NRSN1: variants seen among roughly 807,000 people sequenced by gnomAD.
The protein encoded by NRSN1 is neurensin 1, also known as neurensin-1.
Under a neutral mutation model 17.3 loss-of-function variants are expected in NRSN1, and 14 were observed. That is an observed-to-expected ratio of 0.81 (90% confidence interval 0.54 to 1.27). The LOEUF (loss-of-function observed/expected upper bound fraction) is 1.27. Among genes scored for constraint, NRSN1 ranks in the 50% most tolerant of loss-of-function variants. NRSN1 has a pLI of 0.00. For missense variants in NRSN1, 209 were observed against 235.9 expected (o/e 0.89, Z 0.75); for synonymous variants, 79 against 94.2 (o/e 0.84, Z 0.93).
At chr6:24,138,616 G>C (rs1403081408) in intron 3 of NRSN1, among the ~76,000 whole-genome samples, 1 of 152,138 alleles carries the variant, frequency 6.6e-6, no homozygotes, top group East Asian at 1.9e-4. Context: ...CAGGTGCAAG[G>C]TGTGACCGCC....
chr6:24,133,412 T>C (rs1030987962), intron 2 of NRSN1, among the ~76,000 whole-genome samples: 1 of 152,230 alleles, frequency 6.6e-6, no homozygotes, highest in Non-Finnish European at 1.5e-5. Context: ...TAAAGCTTCA[T>C]ACAACTTGAC....
intron 3 of NRSN1, among the ~76,000 whole-genome samples, chr6:24,138,540 T>A (rs563858724): frequency 2.0e-5 from 3 of 152,272 alleles, no homozygotes. Context: ...CCTCGACCTC[T>A]CTCAGAAACC....
chr6:24,133,125 A>C (rs1760063501), intron 2 of NRSN1, among the ~76,000 whole-genome samples: 1 of 152,202 alleles, frequency 6.6e-6, no homozygotes, highest in South Asian at 2.1e-4. Context: ...AATAAAGTAG[A>C]AATTTCCATC....
chr6:24,133,026 C>T (rs981687508), intron 2 of NRSN1, among the ~76,000 whole-genome samples: 2 of 152,194 alleles, frequency 1.3e-5, no homozygotes, highest in African/African-American at 4.8e-5. Context: ...AACAAAATTA[C>T]TGTCACTCAG....
rs1561864360 is a variant in NRSN1 at position 24,126,729 on chromosome 6, GTTTA to G, written c.-83+395_-83+398del. 7.2e-5 allele frequency among the ~76,000 whole-genome samples: 11 copies of G among 152,208 alleles called. No homozygotes were observed. The South Asian group carries it at 8.3e-4, about 12-fold the overall frequency. ...TATGTATCTAGAGTTTGCAAAGTTG[GTTTA>G]TTTATCAGGCTGAATTGAGCCCCCA... On this transcript the variant is annotated intron_variant, in intron 1 of 3. Transcript: ENST00000378491.
At chr6:24,136,617 G>T (rs142549401) in intron 3 of NRSN1, among the ~76,000 whole-genome samples, 2 of 151,696 alleles carry the variant, frequency 1.3e-5, no homozygotes, top group Non-Finnish European at 2.9e-5. Context: ...ACAGAATATT[G>T]TAAGTGTTCA....
chr6:24,142,898 T>G (rs1041263915), intron 3 of NRSN1, among the ~76,000 whole-genome samples: 3 of 152,110 alleles, frequency 2.0e-5, no homozygotes, highest in African/African-American at 7.2e-5. Flanking sequence ...AGCTTTTATA[T>G]CCTTATTTGG....
At chr6:24,131,891 T>G (rs1760036023) in intron 2 of NRSN1, among the ~76,000 whole-genome samples, 1 of 152,192 alleles carries the variant, frequency 6.6e-6, no homozygotes, top group African/African-American at 2.4e-5. Flanking sequence ...AAACCTTGAC[T>G]TTTTATGAAA....
At chr6:24,129,034 C>T (rs1015430133) in intron 2 of NRSN1, 1 of 152,188 alleles carries the variant, frequency 6.6e-6, no homozygotes, top group Non-Finnish European at 1.5e-5. Flanking sequence ...TAAAAAGTAA[C>T]TGCATATATT....
Position 24,146,410 on chromosome 6 carries a change from C to A in NRSN1, c.*464C>A, listed in dbSNP as rs1440836256. 2 of 383,574 alleles carry A rather than the reference C, an allele frequency of 5.2e-6. No homozygotes were observed. The highest frequency in any genetic ancestry group is 6.7e-5 in the Admixed American group (2 of 29,908). The allele number at this position is 383,574 out of a possible 1,614,324, so 23.8% of individuals were successfully genotyped here. On this transcript the variant is annotated 3_prime_UTR_variant, in exon 4 of 4. Transcript: ENST00000378491. ...TATGTGTTCATAGAAACATGGAATT[C>A]TCTGATTTTGAGCCGAACATGAGTT...
At chr6:24,127,970 CTTTTGT>C (rs1431333149) in intron 1 of NRSN1, among the ~76,000 whole-genome samples, 152 bp from the exon 2 acceptor site, 2 of 152,098 alleles carry the variant, frequency 1.3e-5, no homozygotes, top group Non-Finnish European at 2.9e-5. Context: ...ACAGTTTAGA[CTTTTGT>C]TTTTTAGAAA....
At position 24,134,390 on chromosome 6, in the gene NRSN1, C is replaced by G. The variant is rs750264979; in HGVS notation, c.63C>G (p.Tyr21Ter). ...RQAQAAAEGG[Y>*]QRYGVRSYLH... is the part of the protein sequence containing the mutation. The stretch of plus-strand genomic sequence containing the variant: ...CACAGGCTGCAGCTGAGGGTGGTTA[C>G]CAGCGCTATGGAGTCCGGTCCTACC... The change falls in exon 3 of 4, where the codon TAC becomes TAG. Residue 21 changes from tyrosine (Y) to a stop codon, truncating the protein, a stop_gained. Transcript: ENST00000378491. LOFTEE classifies it high-confidence loss of function. 6.2e-7 allele frequency: 1 copy of G among 1,614,100 alleles called. No homozygotes were observed. The highest frequency in any genetic ancestry group is 8.5e-7 in the Non-Finnish European group (1 of 1,180,006).
chr6:24,141,776 G>C (rs532029619), intron 3 of NRSN1, among the ~76,000 whole-genome samples: 3 of 152,322 alleles, frequency 2.0e-5, no homozygotes, highest in East Asian at 1.9e-4. Context: ...ACCTGGCTCT[G>C]TGTTCAGCAG....
intron 3 of NRSN1, among the ~76,000 whole-genome samples, chr6:24,144,169 T>C (rs1760262805): frequency 6.6e-6 from 1 of 152,212 alleles, no homozygotes; most frequent in Admixed American, 6.5e-5. Flanking sequence ...AACACTGGCC[T>C]GGGGATCAGC....
intron 3 of NRSN1, among the ~76,000 whole-genome samples, chr6:24,137,021 ATGTTTCTATTATGAT>A (rs141915114): frequency 0.011 from 1,680 of 152,316 alleles, 31 homozygotes; most frequent in African/African-American, 0.038. Context: ...AGCTATGCTC[ATGTTTCTATTATGAT>A]TCTTTTTCAT....
intron 3 of NRSN1, among the ~76,000 whole-genome samples, chr6:24,143,961 G>C (rs1227782094): frequency 1.3e-5 from 2 of 152,184 alleles, no homozygotes; most frequent in African/African-American, 2.4e-5. Context: ...GCTAGGTGGT[G>C]GTGGTAGAAT....
At chr6:24,138,889 CAT>C (rs961394579) in intron 3 of NRSN1, among the ~76,000 whole-genome samples, 3 of 152,196 alleles carry the variant, frequency 2.0e-5, no homozygotes, top group African/African-American at 7.2e-5. Flanking sequence ...TCATGTACAA[CAT>C]GTTGTTTTGA....
At chr6:24,141,091 T>C (rs1301252395) in intron 3 of NRSN1, 1 of 1,405,232 alleles carries the variant, frequency 7.1e-7, no homozygotes, top group South Asian at 1.8e-5. Context: ...GTTGCTCTGC[T>C]GAGCCTGGAG....
At chr6:24,142,202 T>TG (rs1760220246) in intron 3 of NRSN1, among the ~76,000 whole-genome samples, 1 of 143,234 alleles carries the variant, frequency 7.0e-6, no homozygotes, top group Admixed American at 7.2e-5. Flanking sequence ...TTTTTTTTTT[T>TG]TTTTTTTTTT....
Sources: allele counts gnomAD v4.1 joint callset (sites outside exome capture counted in the v4.1 genomes callset), GRCh38; gene constraint gnomAD v4.1.1; transcripts MANE v1.5; gene names NCBI Gene and HGNC (gene_info 2026-07-23, HGNC 2026-07-21).